CREB5: variants seen among roughly 807,000 people sequenced by gnomAD.
CREB5 encodes the protein cyclic AMP-responsive element-binding protein 5.
CREB5 carries 19 observed loss-of-function variants against 57.1 expected under a neutral mutation model. The observed-to-expected ratio is 0.33, with a 90% confidence interval of 0.23 to 0.49. The LOEUF is 0.49. Among genes scored for constraint, CREB5 ranks in the 20% least tolerant of loss-of-function variants. CREB5 has a pLI of 0.99. For missense variants in CREB5, 579 were observed against 671.6 expected, an observed-to-expected ratio of 0.86 and a Z score of 1.52; for synonymous variants, 238 against 238.3, an observed-to-expected ratio of 1.00 and a Z score of 0.01.
chr7:28,761,361 C>T (rs1185858712), intron 7 of CREB5, among the ~76,000 whole-genome samples: 1 of 152,112 alleles, frequency 6.6e-6, no homozygotes, highest in Non-Finnish European at 1.5e-5. Context: ...TTGCGGGTGT[C>T]GGAGTGAAGG....
At chr7:28,488,101 C>A in intron 1 of CREB5, 74 bp from the exon 2 acceptor site, 1 of 1,365,282 alleles carries the variant, frequency 7.3e-7, no homozygotes, top group Non-Finnish European at 1.0e-6. Flanking sequence ...TTGCCTTTCT[C>A]ACGTTGCTCA....
rs568192987 is a variant in CREB5, at chr7:28,733,740, C to T, written c.702+9408C>T. ...AGCTGGGGCCAGTTTGATTCAGCTC[C>T]GTGTCCCCAGTTTGCCATCTCTCCT... is the stretch of plus-strand genomic sequence containing the variant. On this transcript the variant is annotated intron_variant, in intron 7 of 10. Coordinates refer to ENST00000357727, the MANE Select transcript of CREB5 (RefSeq NM_182898.4). Among the ~76,000 whole-genome samples the T allele has an allele frequency of 4.5e-4, 69 of 152,238 alleles. 1 individual carries two copies. The South Asian group carries it at 8.3e-3, about 18-fold the overall frequency.
At chr7:28,314,173 A>G (rs1203202313) in intron 1 of CREB5, among the ~76,000 whole-genome samples, 2 of 152,208 alleles carry the variant, frequency 1.3e-5, no homozygotes, top group African/African-American at 2.4e-5. Flanking sequence ...TCTTGTAGCT[A>G]TGTGAAGAAA....
At chr7:28,486,670 T>TTAAA (rs1554331892) in intron 1 of CREB5, among the ~76,000 whole-genome samples, 1,871 of 89,106 alleles carry the variant, frequency 0.021, 196 homozygotes, top group African/African-American at 0.071. Context: ...TCCTATGATT[T>TTAAA]TATATATATA....
At chr7:28,655,673 C>G (rs1385734966) in intron 5 of CREB5, among the ~76,000 whole-genome samples, 1 of 152,058 alleles carries the variant, frequency 6.6e-6, no homozygotes, top group East Asian at 1.9e-4. Flanking sequence ...TTAAACTGAA[C>G]TATGCATTTA....
intron 1 of CREB5, among the ~76,000 whole-genome samples, chr7:28,450,999 C>T (rs1281703739): frequency 6.6e-6 from 1 of 152,102 alleles, no homozygotes; most frequent in Non-Finnish European, 1.5e-5. Flanking sequence ...TGCCTCAAGT[C>T]AAGGTAATTT....
intron 5 of CREB5, among the ~76,000 whole-genome samples, chr7:28,670,775 G>T (rs868813054): frequency 2.0e-5 from 3 of 152,170 alleles, no homozygotes; most frequent in Non-Finnish European, 2.9e-5. Flanking sequence ...GGTACAGTGT[G>T]TATTCTTTCC....
At chr7:28,770,425 A>T (rs558602527) in intron 7 of CREB5, among the ~76,000 whole-genome samples, 2 of 152,328 alleles carry the variant, frequency 1.3e-5, no homozygotes, top group South Asian at 2.1e-4. Context: ...CTACCAAGGA[A>T]CATCTTTGTT....
chr7:28,560,951 CGTGT>C (rs1349050648), intron 4 of CREB5, among the ~76,000 whole-genome samples: 12 of 38,958 alleles, frequency 3.1e-4, no homozygotes, highest in Middle Eastern at 0.014. Context: ...CGTGTGTGTG[CGTGT>C]GTGTGCGTGT....
chr7:28,596,665 C>T (rs1439220776), intron 5 of CREB5, among the ~76,000 whole-genome samples: 1 of 152,188 alleles, frequency 6.6e-6, no homozygotes, highest in Non-Finnish European at 1.5e-5. Context: ...TGCTAGTTAA[C>T]TGCTATGTGA....
intron 7 of CREB5, among the ~76,000 whole-genome samples, chr7:28,773,996 A>T (rs898592243): frequency 6.6e-6 from 1 of 152,124 alleles, no homozygotes; most frequent in African/African-American, 2.4e-5. Flanking sequence ...TTTCTCTCCT[A>T]TTTCCCTCCA....
chr7:28,590,071 CTGTT>C (rs560783417), intron 5 of CREB5, among the ~76,000 whole-genome samples: 1,941 of 152,268 alleles, frequency 0.013, 17 homozygotes, highest in Non-Finnish European at 0.019. Flanking sequence ...CACTTTTACA[CTGTT>C]GGTGGGACTG....
intron 1 of CREB5, among the ~76,000 whole-genome samples, chr7:28,487,313 G>A (rs530253507): frequency 1.3e-5 from 2 of 152,244 alleles, no homozygotes; most frequent in South Asian, 2.1e-4. Context: ...TCCAACATTA[G>A]CGATCCTCCT....
intron 1 of CREB5, among the ~76,000 whole-genome samples, chr7:28,321,546 C>G (rs1401107397): frequency 6.6e-6 from 1 of 152,196 alleles, no homozygotes; most frequent in Non-Finnish European, 1.5e-5. Context: ...GGAGTCCCTC[C>G]TCGAAATTTG....
intron 5 of CREB5, among the ~76,000 whole-genome samples, chr7:28,683,582 C>T (rs1191603696): frequency 1.3e-5 from 2 of 152,132 alleles, no homozygotes; most frequent in South Asian, 4.1e-4. Context: ...TACCCATTGG[C>T]GATGTCACTC....
intron 5 of CREB5, among the ~76,000 whole-genome samples, chr7:28,701,244 G>A (rs1009433584): frequency 2.0e-5 from 3 of 152,152 alleles, no homozygotes; most frequent in African/African-American, 7.2e-5. Flanking sequence ...TAGTTTCTGC[G>A]GGTGCTGGGG....
chr7:28,794,538 C>T (rs1807913103), intron 7 of CREB5, among the ~76,000 whole-genome samples: 1 of 152,172 alleles, frequency 6.6e-6, no homozygotes. Flanking sequence ...TACCTGAGGT[C>T]ATGACATAAT....
intron 1 of CREB5, among the ~76,000 whole-genome samples, chr7:28,465,071 G>A (rs897126815): frequency 6.6e-6 from 1 of 152,086 alleles, no homozygotes; most frequent in African/African-American, 2.4e-5. Context: ...AAAATTTGAG[G>A]GTGCCTCTTT....
intron 1 of CREB5, among the ~76,000 whole-genome samples, chr7:28,475,684 G>T (rs1424110237): frequency 2.0e-5 from 3 of 152,036 alleles, no homozygotes; most frequent in Non-Finnish European, 4.4e-5. Context: ...TGATAAGAAG[G>T]CTGAGTTTCT....
Sources: allele counts gnomAD v4.1 joint callset (sites outside exome capture counted in the v4.1 genomes callset), GRCh38; gene constraint gnomAD v4.1.1; transcripts MANE v1.5; gene names NCBI Gene and HGNC (gene_info 2026-07-23, HGNC 2026-07-21).